The following C3orf20 variants were observed in gnomAD, a reference collection of about 807,000 sequenced individuals.
C3orf20 encodes the protein family with sequence similarity 149 member C, also known as uncharacterized protein C3orf20.
Under a neutral mutation model 88.3 loss-of-function variants are expected in C3orf20, and 76 were observed. The ratio of observed to expected loss-of-function variants is 0.86; its 90% CI spans 0.72 to 1.04. The LOEUF is 1.04. Ranked by LOEUF, C3orf20 falls within the 50% of genes least tolerant of loss-of-function variation. The probability of loss-of-function intolerance (pLI) is 0.00; values close to 1 mark genes in which losing one functional copy is unlikely to be tolerated. For missense variants in C3orf20, 1,056 were observed against 1,123.3 expected, an observed-to-expected ratio of 0.94 and a Z score of 0.86; for synonymous variants, 436 against 437.4, an observed-to-expected ratio of 1.00 and a Z score of 0.04.
chr3:14,726,055 G>C (rs1208771822), intron 10 of C3orf20, among the ~76,000 whole-genome samples: 1 of 152,212 alleles, frequency 6.6e-6, no homozygotes, highest in African/African-American at 2.4e-5. Flanking sequence ...ACATGCCCCA[G>C]CTGTTCAGAG....
At chr3:14,698,509 C>T (rs979417388) in intron 5 of C3orf20, among the ~76,000 whole-genome samples, 3 of 152,208 alleles carry the variant, frequency 2.0e-5, no homozygotes, top group Non-Finnish European at 4.4e-5. Context: ...CAGAATGTTG[C>T]GGTTCTTGCA....
At position 14,728,409 on chromosome 3, in the gene C3orf20, G is replaced by C. The variant is rs1465835499; in HGVS notation, c.1691-30G>C. The C allele has an allele frequency of 3.1e-6, 5 of 1,612,042 alleles. No homozygotes were observed. The African/African-American group carries it at 4.0e-5, about 13-fold the overall frequency. On this transcript the variant is annotated intron_variant, in intron 11 of 16. Transcript: ENST00000253697. Reference sequence around the variant, plus strand: ...GGCAGAGGAGTCCTGGCCATGAAGGGAAAATGACAGCAGCATCTTCTGTTA... The same window carrying C: ...GGCAGAGGAGTCCTGGCCATGAAGGCAAAATGACAGCAGCATCTTCTGTTA...
rs371359123 is a variant in C3orf20, at chr3:14,697,270, CT to C, written c.746-5859del. ...ATTTCTTTGAATAAACTTTCTACCC[CT>C]ATCTCTTTCTCTAGCTCATCTTTAA... On this transcript the variant is annotated intron_variant, in intron 5 of 16. Coordinates refer to ENST00000253697, the MANE Select transcript of C3orf20 (RefSeq NM_032137.5). Among the ~76,000 whole-genome samples, 109 of 152,252 alleles carry C rather than the reference CT, an allele frequency of 7.2e-4. 1 individual carries two copies. In the South Asian group the frequency reaches 9.7e-3, roughly 14 times the overall value.
chr3:14,724,501 A>G (rs1300624734), intron 10 of C3orf20, among the ~76,000 whole-genome samples: 1 of 152,240 alleles, frequency 6.6e-6, no homozygotes, highest in Non-Finnish European at 1.5e-5. Context: ...TTAGAAGTCT[A>G]GAGCTGTGCT....
chr3:14,709,549 C>T (rs1320838046), intron 7 of C3orf20, among the ~76,000 whole-genome samples: 1 of 152,022 alleles, frequency 6.6e-6, no homozygotes, highest in East Asian at 1.9e-4. Flanking sequence ...CCTTCTATTC[C>T]GAATTTGTTG....
chr3:14,713,527 C>G (rs979152421), intron 7 of C3orf20, among the ~76,000 whole-genome samples: 3 of 152,186 alleles, frequency 2.0e-5, no homozygotes, highest in African/African-American at 7.2e-5. Flanking sequence ...CTTGATTGGT[C>G]AGAAGTGGGA....
chr3:14,711,784 C>A (rs186891029), intron 7 of C3orf20, among the ~76,000 whole-genome samples: 173 of 152,006 alleles, frequency 1.1e-3, no homozygotes, highest in African/African-American at 3.8e-3. Context: ...AGAGTTTAAT[C>A]TATTTCTGTT....
rs186884613 is a variant in C3orf20, at chr3:14,686,465, T to C, written c.625+2083T>C. 1.4e-4 allele frequency among the ~76,000 whole-genome samples: 22 copies of C among 152,274 alleles called. No individual in the cohort carries two copies. The East Asian group carries it at 3.7e-3, about 25-fold the overall frequency. On this transcript the variant is annotated intron_variant, in intron 4 of 16. Transcript: ENST00000253697. ...CATTCCCACCAGCTGCATACAAGGGTTTCCTTTTCTCCACACTGTTGCCAG... is the reference window on the plus strand; with the variant it reads ...CATTCCCACCAGCTGCATACAAGGGCTTCCTTTTCTCCACACTGTTGCCAG...
Position 14,684,241 on chromosome 3 carries a change from G to A in C3orf20, c.485-1G>A. The A allele has an allele frequency of 6.2e-7, 1 of 1,613,908 alleles. No homozygotes were observed. Among genetic ancestry groups the A allele is most frequent in the Non-Finnish European group, 8.5e-7 (1 of 1,179,946 alleles). The stretch of plus-strand genomic sequence containing the variant: ...CGTGTTGCTTTCTATCATTGCTTTA[G>A]TGGGTGCCAACCCCTTGGACATCAC... On this transcript the variant is annotated splice_acceptor_variant, in intron 3 of 16. Transcript: ENST00000253697. LOFTEE classifies it high-confidence loss of function.
At chr3:14,755,054 A>G (rs1270320337) in intron 12 of C3orf20, among the ~76,000 whole-genome samples, 1 of 152,020 alleles carries the variant, frequency 6.6e-6, no homozygotes, top group Non-Finnish European at 1.5e-5. Flanking sequence ...TAAAACCTAT[A>G]TTCTTTTCTG....
chr3:14,684,255 C>G lies in C3orf20; in HGVS notation c.498C>G (p.Pro166=). The change falls in exon 4 of 17, where the codon CCC becomes CCG. Residue 166 remains proline, a synonymous_variant. Transcript: ENST00000253697. ...TCATTGCTTTAGTGGGTGCCAACCC[C>G]TTGGACATCACCAGGCGCTTTGTGG... ...MVESMSVGAN[P]LDITRRFVEA... 6.2e-7 allele frequency: 1 copy of G among 1,614,156 alleles called. No individual in the cohort carries two copies.
chr3:14,764,992 GGGTGACT>G (rs942922679), intron 15 of C3orf20: 2 of 152,254 alleles, frequency 1.3e-5, no homozygotes, highest in African/African-American at 4.8e-5. Flanking sequence ...TCTTCCAGCA[GGGTGACT>G]GGTTAGTAGT....
At chr3:14,760,661 G>T (rs770421892) in intron 14 of C3orf20, among the ~76,000 whole-genome samples, 5 of 137,370 alleles carry the variant, frequency 3.6e-5, no homozygotes, top group Non-Finnish European at 7.6e-5. Context: ...CCAGGCTGGA[G>T]TGCAGTGGTG....
chr3:14,696,444 T>C (rs2033007725), intron 5 of C3orf20, among the ~76,000 whole-genome samples: 1 of 151,276 alleles, frequency 6.6e-6, no homozygotes, highest in African/African-American at 2.4e-5. Flanking sequence ...CAGGCTGCAG[T>C]GCGGTGGCAC....
chr3:14,720,404 C>T (rs2034111282), intron 9 of C3orf20, among the ~76,000 whole-genome samples: 1 of 152,158 alleles, frequency 6.6e-6, no homozygotes, highest in Admixed American at 6.5e-5. Context: ...TCAGTGCTTT[C>T]AGGGTGCTGG....
Position 14,761,590 on chromosome 3 carries a change from T to C in C3orf20, c.2470T>C (p.Phe824Leu). Reference sequence around the variant, plus strand: ...TCAACAGGATTACAAGATGGGCTACTTCCTGCCGGATGACTACAAATTCAG... The same window carrying C: ...TCAACAGGATTACAAGATGGGCTACCTCCTGCCGGATGACTACAAATTCAG... The part of the protein sequence containing the change: ...RSQQDYKMGY[F>L]LPDDYKFSVP... The change falls in exon 15 of 17, where the codon TTC (phenylalanine) becomes CTC (leucine). Residue 824 changes from phenylalanine (F) to leucine (L), a missense_variant. Physicochemically the swap from Phe to Leu is conservative, Grantham distance 22 (BLOSUM62 0). Transcript: ENST00000253697. 1 of 1,614,094 alleles carries C rather than the reference T, an allele frequency of 6.2e-7. No individual in the cohort carries two copies. Among genetic ancestry groups the C allele is most frequent in the Middle Eastern group, 1.7e-4 (1 of 6,054 alleles).
chr3:14,682,691 C>A lies in C3orf20; in HGVS notation c.-23C>A. On this transcript the variant is annotated 5_prime_UTR_variant, in exon 3 of 17. Transcript: ENST00000253697. ...TCTCAGTCACCTCTCAGAGAGCTCT[C>A]TTTATAGCTGAAGGTCCCTCTCATG... 6.3e-7 allele frequency: 1 copy of A among 1,585,336 alleles called. No individual in the cohort carries two copies. Among genetic ancestry groups the A allele is most frequent in the South Asian group, 1.2e-5 (1 of 85,024 alleles).
At chr3:14,727,910 G>A (rs922471624) in intron 11 of C3orf20, among the ~76,000 whole-genome samples, 5 of 152,146 alleles carry the variant, frequency 3.3e-5, no homozygotes, top group African/African-American at 7.2e-5. Context: ...CTGTCTTGGG[G>A]TGCCTCTGCA....
intron 1 of C3orf20, among the ~76,000 whole-genome samples, chr3:14,679,417 G>C (rs2031960369): frequency 6.6e-6 from 1 of 152,180 alleles, no homozygotes; most frequent in Non-Finnish European, 1.5e-5. Flanking sequence ...AAATAAAGTG[G>C]CTTAAAGGCA....
Sources: allele counts gnomAD v4.1 joint callset (sites outside exome capture counted in the v4.1 genomes callset), GRCh38; gene constraint gnomAD v4.1.1; transcripts MANE v1.5; gene names NCBI Gene and HGNC (gene_info 2026-07-23, HGNC 2026-07-21).